CAMTA1: variants seen among roughly 807,000 people sequenced by gnomAD.
The protein encoded by CAMTA1 is calmodulin-binding transcription activator 1.
Under a neutral mutation model 170.9 loss-of-function variants are expected in CAMTA1, and 27 were observed. That is an observed-to-expected ratio of 0.16 (90% CI 0.12 to 0.22). The LOEUF is 0.22. CAMTA1 is among the 10% of genes least tolerant of loss of function. The pLI, the probability that CAMTA1 is intolerant of heterozygous loss-of-function variation, is 1.00. For synonymous variants in CAMTA1, 833 were observed against 891.5 expected (o/e 0.93, Z 1.17); for missense variants, 1,619 against 2,217.2 (o/e 0.73, Z 5.42).
chr1:7,499,331 T>TGA (rs377315597), intron 6 of CAMTA1, among the ~76,000 whole-genome samples: 27 of 108,570 alleles, frequency 2.5e-4, no homozygotes, highest in Non-Finnish European at 1.5e-4. Context: ...TGTGTGTACA[T>TGA]GTGTGTAGAG....
At chr1:7,244,239 C>A (rs1665384651) in intron 4 of CAMTA1, among the ~76,000 whole-genome samples, 2 of 152,128 alleles carry the variant, frequency 1.3e-5, no homozygotes, top group South Asian at 4.1e-4. Flanking sequence ...AGTCAGGAAA[C>A]AACAGGTGCT....
intron 5 of CAMTA1, among the ~76,000 whole-genome samples, chr1:7,253,781 G>A (rs1051080664): frequency 1.3e-5 from 2 of 152,056 alleles, no homozygotes; most frequent in African/African-American, 4.8e-5. Context: ...CAGTTCCTTC[G>A]GGGTACTCGG....
At chr1:6,944,626 C>T (rs1020503696) in intron 3 of CAMTA1, among the ~76,000 whole-genome samples, 2 of 152,192 alleles carry the variant, frequency 1.3e-5, no homozygotes, top group African/African-American at 4.8e-5. Flanking sequence ...GTGACTGCAC[C>T]ACCTGCCCCG....
At chr1:7,613,203 C>T (rs2095535215) in intron 6 of CAMTA1, among the ~76,000 whole-genome samples, 1 of 152,234 alleles carries the variant, frequency 6.6e-6, no homozygotes, top group Admixed American at 6.5e-5. Context: ...TGTTTGGCCA[C>T]ACAGTTGGCA....
Position 7,238,161 on chromosome 1 carries a change from T to C in CAMTA1, c.303-11330T>C, listed in dbSNP as rs1022242022. Among the ~76,000 whole-genome samples, 18 of 152,222 alleles carry C rather than the reference T, an allele frequency of 1.2e-4. No individual in the cohort carries two copies. In the South Asian group the frequency reaches 3.5e-3, roughly 30 times the overall value. ...TAATATGGTCAGTCTTCTTTCTTTTTTTTTTTTTTTAAAGCAAAAACATTT... is the reference window on the plus strand; with the variant it reads ...TAATATGGTCAGTCTTCTTTCTTTTCTTTTTTTTTTAAAGCAAAAACATTT... On this transcript the variant is annotated intron_variant, in intron 4 of 22. Transcript: ENST00000303635.
At chr1:7,326,417 C>T (rs1467932400) in intron 5 of CAMTA1, among the ~76,000 whole-genome samples, 2 of 152,168 alleles carry the variant, frequency 1.3e-5, no homozygotes, top group Non-Finnish European at 2.9e-5. Flanking sequence ...TATGCAAGTC[C>T]TAAGTCCCAG....
intron 6 of CAMTA1, among the ~76,000 whole-genome samples, chr1:7,504,187 G>A (rs565574680): frequency 7.2e-5 from 11 of 152,164 alleles, no homozygotes; most frequent in Non-Finnish European, 7.4e-5. Flanking sequence ...CAGGCCAAGG[G>A]TCTGCAATCA....
rs2095712996 is a variant in CAMTA1, at chr1:7,636,466, C to T, written c.511-3934C>T. Among the ~76,000 whole-genome samples the T allele has an allele frequency of 3.3e-5, 5 of 152,164 alleles. No individual in the cohort carries two copies. The South Asian group carries it at 1.0e-3, about 31-fold the overall frequency. On this transcript the variant is annotated intron_variant, in intron 6 of 22. Transcript: ENST00000303635. ...GTGCAGTGGCTCACGCCTGTAATCC[C>T]AGCACTTTAGGAGGCCAAGGTGGGT...
intron 6 of CAMTA1, among the ~76,000 whole-genome samples, chr1:7,493,356 CAT>C (rs1452213237): frequency 7.8e-6 from 1 of 127,726 alleles, no homozygotes; most frequent in African/African-American, 3.5e-5. Context: ...CAAACACAAA[CAT>C]ACAAACACAC....
At chr1:7,389,287 T>C (rs1330412326) in intron 5 of CAMTA1, 1 of 120,466 alleles carries the variant, frequency 8.3e-6, no homozygotes, top group Admixed American at 9.0e-5. Context: ...CTTTCCCCCA[T>C]GGGCTCAGTC....
At chr1:7,084,244 C>T (rs1640423738) in intron 3 of CAMTA1, among the ~76,000 whole-genome samples, 3 of 152,072 alleles carry the variant, frequency 2.0e-5, no homozygotes. Context: ...GCACTAAAGA[C>T]CTTTCTCCCT....
At position 7,110,218 on chromosome 1, in the gene CAMTA1, C is replaced by T. The variant is rs1033333587; in HGVS notation, c.302+18847C>T. ...CATCCTGTTAACAAGAAGCACAGCACATTTTCTGGGCCATGTAACCCTTTA... is the reference window on the plus strand; with the variant it reads ...CATCCTGTTAACAAGAAGCACAGCATATTTTCTGGGCCATGTAACCCTTTA... On this transcript the variant is annotated intron_variant, in intron 4 of 22. Coordinates refer to ENST00000303635, the MANE Select transcript of CAMTA1 (RefSeq NM_015215.4). Among the ~76,000 whole-genome samples, 49 of 152,130 alleles carry T rather than the reference C, an allele frequency of 3.2e-4. 1 individual carries two copies. The highest frequency in any genetic ancestry group is 1.9e-4 in the East Asian group (1 of 5,196).
At chr1:7,239,635 ATTTTTTTTT>A (rs34166595) in intron 4 of CAMTA1, among the ~76,000 whole-genome samples, 69 of 103,952 alleles carry the variant, frequency 6.6e-4, no homozygotes, top group African/African-American at 2.0e-3. Flanking sequence ...TTCAAGGTCA[ATTTTTTTTT>A]TTTTTTTTTT....
intron 5 of CAMTA1, among the ~76,000 whole-genome samples, chr1:7,383,574 A>G (rs2087589499): frequency 1.3e-5 from 2 of 152,212 alleles, no homozygotes; most frequent in Non-Finnish European, 2.9e-5. Flanking sequence ...ATTACAACAT[A>G]TAAGGCACTT....
chr1:7,285,377 C>G (rs368080639), intron 5 of CAMTA1, among the ~76,000 whole-genome samples: 1 of 152,196 alleles, frequency 6.6e-6, no homozygotes, highest in African/African-American at 2.4e-5. Context: ...GATGCACCTT[C>G]GGGAAGTTCT....
chr1:6,997,656 C>CTTTTTTTTTTTT (rs201500847), intron 3 of CAMTA1, among the ~76,000 whole-genome samples: 6 of 128,408 alleles, frequency 4.7e-5, no homozygotes, highest in African/African-American at 1.3e-4. Context: ...CCTTTCTTTT[C>CTTTTTTTTTTTT]TTTCTTTTTT....
intron 3 of CAMTA1, among the ~76,000 whole-genome samples, chr1:6,829,094 G>C (rs918041140): frequency 6.6e-6 from 1 of 151,824 alleles, no homozygotes; most frequent in South Asian, 2.1e-4. Context: ...GTAGAGATGG[G>C]GTTTCGCCCT....
At chr1:7,661,651 T>C (rs2095958600) in intron 7 of CAMTA1, 75 bp from the exon 8 acceptor site, 7 of 1,548,226 alleles carry the variant, frequency 4.5e-6, no homozygotes, top group Non-Finnish European at 5.3e-6. Flanking sequence ...AGGGCCTGGG[T>C]CCTACCCCTT....
chr1:7,251,200 C>A lies in CAMTA1; in HGVS notation c.438+1574C>A, dbSNP rs4908610. Among the ~76,000 whole-genome samples the A allele has an allele frequency of 0.59, 89,141 of 151,968 alleles. 26,469 individuals carry two copies. Among genetic ancestry groups the A allele is most frequent in the South Asian group, 0.71 (3,419 of 4,816 alleles). ...GGAACTTCTGCTCGTGAGTAACAGC[C>A]GGGTGGAATTCTTCCTCAGCAGCAG... is the stretch of plus-strand genomic sequence containing the variant. On this transcript the variant is annotated intron_variant, in intron 5 of 22. Coordinates refer to ENST00000303635, the MANE Select transcript of CAMTA1 (RefSeq NM_015215.4). This position sits in a 1 kb window ranked among gnomAD's most constrained non-coding sequence, Gnocchi z 5.1.
Sources: gnomAD v4.1 joint callset for allele counts (sites outside exome capture counted in the v4.1 genomes callset) on GRCh38, gnomAD v4.1.1 for gene constraint, Gnocchi (gnomAD v3.1) non-coding constraint, MANE v1.5 for transcripts, NCBI Gene and HGNC (gene_info 2026-07-23, HGNC 2026-07-21) for gene names.